Variants in TTC6 observed in about 807,000 individuals in gnomAD.
TTC6 encodes tetratricopeptide repeat domain 6.
In TTC6, 172 loss-of-function variants were observed where a neutral mutation model predicts 210.4. That is an observed-to-expected ratio of 0.82 (90% CI 0.72 to 0.93). TTC6 has a LOEUF of 0.93. TTC6 is among the 40% of genes least tolerant of loss of function. The pLI is 0.00. For synonymous variants in TTC6, 804 were observed against 819.6 expected (o/e 0.98, Z 0.32); for missense variants, 2,414 against 2,318.1 (o/e 1.04, Z -0.85).
At chr14:37,751,309 G>T in intron 13 of TTC6, 84 bp downstream of exon 15, 1 of 993,474 alleles carries the variant, frequency 1.0e-6, no homozygotes, top group Non-Finnish European at 1.4e-6. Context: ...AGTTTTTGAA[G>T]GTCTTTTTGT....
chr14:37,612,134 G>A (rs1387660029), intron 2 of TTC6, among the ~76,000 whole-genome samples: 1 of 152,142 alleles, frequency 6.6e-6, no homozygotes, highest in Non-Finnish European at 1.5e-5. Flanking sequence ...ACAATTTGAT[G>A]AGTTTTGACA....
chr14:37,740,164 A>AAC (rs1170081625), intron 10 of TTC6, among the ~76,000 whole-genome samples: 2 of 150,858 alleles, frequency 1.3e-5, no homozygotes, highest in Non-Finnish European at 3.0e-5. Flanking sequence ...CTCCGTCTCA[A>AAC]AAAAAAAAAA....
rs540131614 is a variant in TTC6 at position 37,842,025 on chromosome 14, G to A, written c.5525-130G>A. On this transcript the variant is annotated intron_variant, in intron 30 of 30. Coordinates refer to ENST00000553443, the Ensembl canonical transcript of TTC6. ...GAAGAAAAGTGTTTTCAAATTAAAAGTATTAAAGTTCTTGATTTCATCCAT... is the reference window on the plus strand; with the variant it reads ...GAAGAAAAGTGTTTTCAAATTAAAAATATTAAAGTTCTTGATTTCATCCAT... 5.4e-4 allele frequency: 415 copies of A among 767,354 alleles called. 2 individuals carry two copies. The highest frequency in any genetic ancestry group is 3.6e-3 in the South Asian group (146 of 40,280). 47.5% of individuals were successfully genotyped at this position (767,354 alleles called of 1,614,324 possible).
Position 37,759,645 on chromosome 14 carries a change from G to A in TTC6, c.3266+6410G>A, listed in dbSNP as rs552673308. On this transcript the variant is annotated intron_variant, in intron 14 of 30. Transcript: ENST00000553443. ...TTACTTCCAGGTATACCAATCAATC[G>A]TAGGTTTGGTCTTTTCACATAGTCC... 7.0e-4 allele frequency among the ~76,000 whole-genome samples: 106 copies of A among 152,216 alleles called. 1 individual carries two copies. Among genetic ancestry groups the A allele is most frequent in the African/African-American group, 2.4e-3 (101 of 41,536 alleles).
rs200402240 is a variant in TTC6 at position 37,807,386 on chromosome 14, A to G, written c.4381A>G (p.Asn1461Asp). The G allele has an allele frequency of 1.2e-3, 1,823 of 1,531,032 alleles. 5 individuals are homozygous for G. Among genetic ancestry groups the G allele is most frequent in the Non-Finnish European group, 1.5e-3 (1,689 of 1,143,334 alleles). The allele number at this position is 1,531,032 out of a possible 1,614,324, so 94.8% of individuals were successfully genotyped here. The change falls in exon 23 of 31, where the codon AAC becomes GAC. Residue 1461 changes from asparagine to aspartate, a missense_variant. Asn to Asp is a conservative substitution (Grantham distance 23). Transcript: ENST00000553443. Reference sequence around the variant, plus strand: ...GTATTCCAAAGCAATCTTGAATTGTAACAAGGCTATTAAAATTTACCCTGA... The same window carrying G: ...GTATTCCAAAGCAATCTTGAATTGTGACAAGGCTATTAAAATTTACCCTGA...
intron 14 of TTC6, among the ~76,000 whole-genome samples, chr14:37,782,707 G>C (rs527975156): frequency 2.6e-5 from 4 of 152,248 alleles, no homozygotes; most frequent in Non-Finnish European, 4.4e-5. Context: ...TCTTGTGCCA[G>C]TTTTCAAAGG....
chr14:37,619,730 C>T (rs563613334), upstream of TTC6, among the ~76,000 whole-genome samples: 1 of 151,176 alleles, frequency 6.6e-6, no homozygotes, highest in Non-Finnish European at 1.5e-5. Context: ...ATCTGTAAAC[C>T]TTTTATTTAT....
chr14:37,709,803 T>C (rs1373423841), intron 5 of TTC6, among the ~76,000 whole-genome samples: 1 of 152,146 alleles, frequency 6.6e-6, no homozygotes. Context: ...AATATTCATA[T>C]GCCTCTGCTG....
chr14:37,770,516 G>A (rs2096014616), intron 14 of TTC6, among the ~76,000 whole-genome samples: 1 of 151,832 alleles, frequency 6.6e-6, no homozygotes, highest in Admixed American at 6.6e-5. Context: ...ATTTAGGATA[G>A]TTAGCTCTTC....
intron 1 of TTC6, among the ~76,000 whole-genome samples, chr14:37,625,557 A>T (rs1345793593): frequency 6.6e-6 from 1 of 152,116 alleles, no homozygotes; most frequent in East Asian, 1.9e-4. Flanking sequence ...TAAAAAAAAA[A>T]AAAAAAGAAT....
At chr14:37,603,595 C>T (rs374359961) in intron 1 of TTC6, among the ~76,000 whole-genome samples, 15 of 152,204 alleles carry the variant, frequency 9.9e-5, no homozygotes, top group Admixed American at 2.6e-4. Flanking sequence ...TTTTCACTGC[C>T]TGTCGTCTCC....
rs1185891911 is a variant in TTC6 at position 37,723,060 on chromosome 14, T to C, written c.1714-1838T>C. On this transcript the variant is annotated intron_variant, in intron 6 of 30. Coordinates refer to ENST00000553443, the Ensembl canonical transcript of TTC6. ...GTTGTAATACAGTACTACATTATTA[T>C]TATTAGTTTTGATAAAATTATTTGA... Among the ~76,000 whole-genome samples the C allele has an allele frequency of 2.0e-5, 3 of 152,230 alleles. No homozygotes were observed. In the East Asian group the frequency reaches 5.8e-4, roughly 29 times the overall value.
chr14:37,687,492 C>T (rs1179800031), intron 3 of TTC6, among the ~76,000 whole-genome samples: 1 of 152,160 alleles, frequency 6.6e-6, no homozygotes, highest in African/African-American at 2.4e-5. Flanking sequence ...TACTGAGACA[C>T]CAGCCAGGGC....
intron 1 of TTC6, among the ~76,000 whole-genome samples, chr14:37,605,083 G>A (rs2095622681): frequency 6.6e-6 from 1 of 152,140 alleles, no homozygotes; most frequent in African/African-American, 2.4e-5. Flanking sequence ...AAGCTTAGTG[G>A]GATGCTAAAG....
intron 10 of TTC6, among the ~76,000 whole-genome samples, chr14:37,747,330 A>C (rs1296589839): frequency 6.6e-6 from 1 of 152,196 alleles, no homozygotes; most frequent in Non-Finnish European, 1.5e-5. Context: ...CACTCAGCTT[A>C]GGATAATATT....
intron 1 of TTC6, among the ~76,000 whole-genome samples, chr14:37,632,722 G>A (rs1044414102): frequency 1.3e-5 from 2 of 152,170 alleles, no homozygotes; most frequent in East Asian, 1.9e-4. Context: ...ACCCCCAGCC[G>A]CCCCTTCCAC....
chr14:37,818,736 C>G (rs2096148394), intron 26 of TTC6, among the ~76,000 whole-genome samples: 1 of 151,986 alleles, frequency 6.6e-6, no homozygotes, highest in Non-Finnish European at 1.5e-5. Context: ...GGTCTCAGAC[C>G]TTTCATTTTG....
In TTC6 at chr14:37,745,016, C is replaced by A. The variant is rs1004185724; in HGVS notation, c.2364-3923C>A. Among the ~76,000 whole-genome samples, 7 of 151,020 alleles carry A rather than the reference C, an allele frequency of 4.6e-5. 1 individual carries two copies. The South Asian group carries it at 6.3e-4, about 14-fold the overall frequency. The stretch of plus-strand genomic sequence containing the variant: ...ATGGGATACACACACACACACACAC[C>A]CACACACACACATATACACACGTAC... On this transcript the variant is annotated intron_variant, in intron 10 of 30. Coordinates refer to ENST00000553443, the Ensembl canonical transcript of TTC6.
intron 1 of TTC6, among the ~76,000 whole-genome samples, chr14:37,651,688 G>C (rs941254817): frequency 1.6e-4 from 24 of 151,512 alleles, no homozygotes; most frequent in African/African-American, 5.3e-4. Context: ...TGGGAGGCTT[G>C]AGGCGGGCGG....
Sources: gnomAD v4.1 joint callset for allele counts (sites outside exome capture counted in the v4.1 genomes callset) on GRCh38, gnomAD v4.1.1 for gene constraint, MANE v1.5 for transcripts, NCBI Gene and HGNC (gene_info 2026-07-23, HGNC 2026-07-21) for gene names.